NCEH1: variants seen among roughly 807,000 people sequenced by gnomAD.
NCEH1 encodes neutral cholesterol ester hydrolase 1.
In NCEH1, 9 loss-of-function variants were observed where a neutral mutation model predicts 25.4. The ratio of observed to expected loss-of-function variants is 0.35; its 90% CI spans 0.21 to 0.62. The LOEUF is 0.62. Among genes scored for constraint, NCEH1 ranks in the 20% least tolerant of loss-of-function variants. The probability of loss-of-function intolerance (pLI) is 0.72; values close to 1 mark genes in which losing one functional copy is unlikely to be tolerated. For missense variants in NCEH1, 412 were observed against 501.1 expected, an observed-to-expected ratio of 0.82 and a Z score of 1.70; for synonymous variants, 200 against 199.8, an observed-to-expected ratio of 1.00 and a Z score of -0.01.
chr3:172,710,643 G>A (rs1339157729), intron 1 of NCEH1, among the ~76,000 whole-genome samples: 1 of 152,224 alleles, frequency 6.6e-6, no homozygotes, highest in Non-Finnish European at 1.5e-5. Context: ...AAACGCAGAC[G>A]GGGAAATGCA....
chr3:172,703,643 A>G (rs1415611442), intron 1 of NCEH1, among the ~76,000 whole-genome samples: 1 of 152,192 alleles, frequency 6.6e-6, no homozygotes, highest in Non-Finnish European at 1.5e-5. Context: ...CACTTCACAG[A>G]AATGTCTCAG....
intron 1 of NCEH1, among the ~76,000 whole-genome samples, chr3:172,708,137 G>A (rs374731295): frequency 0.026 from 3,066 of 115,978 alleles, 112 homozygotes; most frequent in African/African-American, 0.074. Context: ...CTGACTCACT[G>A]CACAAGATAA....
chr3:172,683,711 GA>G (rs1305983115), intron 1 of NCEH1, among the ~76,000 whole-genome samples: 1 of 152,120 alleles, frequency 6.6e-6, no homozygotes, highest in Non-Finnish European at 1.5e-5. Context: ...GGATCAATCA[GA>G]CTTGGTAAAA....
chr3:172,676,464 G>T (rs1016611167), intron 1 of NCEH1, among the ~76,000 whole-genome samples: 3 of 152,036 alleles, frequency 2.0e-5, no homozygotes, highest in African/African-American at 7.3e-5. Context: ...GGGAAATTTC[G>T]CCAGGTTTTT....
intron 1 of NCEH1, among the ~76,000 whole-genome samples, chr3:172,689,888 T>TA (rs1377471741): frequency 2.9e-4 from 44 of 150,218 alleles, no homozygotes; most frequent in African/African-American, 1.0e-3. Context: ...TATTTTTTAT[T>TA]TTTTATTATT....
intron 3 of NCEH1, among the ~76,000 whole-genome samples, chr3:172,638,519 G>A (rs2108489699): frequency 8.8e-6 from 1 of 113,976 alleles, no homozygotes; most frequent in South Asian, 3.2e-4. Flanking sequence ...CATTTCATAT[G>A]AGTCTATTTA....
intron 1 of NCEH1, among the ~76,000 whole-genome samples, chr3:172,656,634 T>G (rs1717707823): frequency 6.6e-6 from 1 of 152,064 alleles, no homozygotes; most frequent in Admixed American, 6.6e-5. Context: ...GGCGTGGTGA[T>G]GCGCGCCTGT....
intron 3 of NCEH1, among the ~76,000 whole-genome samples, chr3:172,638,728 C>A (rs1037728168): frequency 6.6e-6 from 1 of 152,188 alleles, no homozygotes; most frequent in African/African-American, 2.4e-5. Context: ...TATCCACTAG[C>A]ATCCATATGT....
chr3:172,704,768 G>A (rs1041873966), intron 1 of NCEH1, among the ~76,000 whole-genome samples: 1 of 152,256 alleles, frequency 6.6e-6, no homozygotes, highest in Non-Finnish European at 1.5e-5. Flanking sequence ...ACTTTGGGAA[G>A]CCAAAGCGGG....
At chr3:172,699,125 G>T (rs1412817872) in intron 1 of NCEH1, among the ~76,000 whole-genome samples, 2 of 152,198 alleles carry the variant, frequency 1.3e-5, no homozygotes, top group African/African-American at 4.8e-5. Context: ...TAAGGCCAAG[G>T]AAGGGCAGTG....
Position 172,634,088 on chromosome 3 carries a change from G to A in NCEH1, c.614C>T (p.Thr205Ile). ...NLAAALGQQFTQDASLKNKLK... is the reference protein window; with the variant it reads ...NLAAALGQQFIQDASLKNKLK... ...CTTATTTTTTAGGCTGGCATCTTGA[G>A]TAAACTAGAGAAGAGGAAGCAAATA... Residue 205 changes from threonine (T) to isoleucine (I), a missense_variant, in exon 5 of 5, where the codon ACT (threonine) becomes ATT (isoleucine). Thr to Ile is a moderately conservative substitution (Grantham distance 89). Coordinates refer to ENST00000475381, the MANE Select transcript of NCEH1 (RefSeq NM_020792.6). 1 of 1,612,424 alleles carries A rather than the reference G, an allele frequency of 6.2e-7. No individual in the cohort carries two copies. Among genetic ancestry groups the A allele is most frequent in the Non-Finnish European group, 8.5e-7 (1 of 1,179,334 alleles).
chr3:172,652,276 A>G lies in NCEH1; in HGVS notation c.139-4162T>C, dbSNP rs535737265. ...CAGGGTCTGCATGAATGTCTTGCAGATGGACCTAAGACAATCTGTCTTTTC... is the reference window on the plus strand; with the variant it reads ...CAGGGTCTGCATGAATGTCTTGCAGGTGGACCTAAGACAATCTGTCTTTTC... On this transcript the variant is annotated intron_variant, in intron 1 of 4. Transcript: ENST00000475381. Among the ~76,000 whole-genome samples the G allele has an allele frequency of 5.2e-5, 8 of 152,384 alleles. No individual in the cohort carries two copies. The East Asian group carries it at 1.5e-3, about 29-fold the overall frequency.
chr3:172,631,550 C>G lies in NCEH1; in HGVS notation c.*1925G>C, dbSNP rs1398838616. 1 of 152,588 alleles carries G rather than the reference C, an allele frequency of 6.6e-6. No homozygotes were observed. The highest frequency in any genetic ancestry group is 2.1e-4 in the South Asian group (1 of 4,822). 9.5% of individuals were successfully genotyped at this position (152,588 alleles called of 1,614,324 possible). ...AGACCTCAAGGATCACATAATTCAG[C>G]TCTTTGATTTTAGAGGGAGGAAAGA... On this transcript the variant is annotated 3_prime_UTR_variant, in exon 5 of 5. Coordinates refer to ENST00000475381, the MANE Select transcript of NCEH1 (RefSeq NM_020792.6).
intron 1 of NCEH1, among the ~76,000 whole-genome samples, chr3:172,679,000 C>T (rs904924918): frequency 1.1e-4 from 17 of 152,184 alleles, no homozygotes; most frequent in African/African-American, 3.1e-4. Flanking sequence ...TCATTTATAA[C>T]CTGACGCATC....
intron 1 of NCEH1, among the ~76,000 whole-genome samples, chr3:172,675,431 T>A (rs1384354546): frequency 7.0e-6 from 1 of 143,612 alleles, no homozygotes; most frequent in Non-Finnish European, 1.5e-5. Flanking sequence ...GTATAATTTT[T>A]AAAAAATTTT....
intron 1 of NCEH1, among the ~76,000 whole-genome samples, chr3:172,680,456 G>T (rs1187184842): frequency 6.6e-6 from 1 of 152,098 alleles, no homozygotes; most frequent in Admixed American, 6.5e-5. Flanking sequence ...CATGTCAAGT[G>T]GAAGGTTTGG....
chr3:172,638,275 C>CAAAAAAAAAAAAAAAAAAAA lies in NCEH1; in HGVS notation c.438-2189_438-2188insTTTTTTTTTTTTTTTTTTTT, dbSNP rs1560178436. Among the ~76,000 whole-genome samples the CAAAAAAAAAAAAAAAAAAAA allele has an allele frequency of 4.9e-5, 4 of 81,900 alleles. 2 individuals carry two copies. The highest frequency in any genetic ancestry group is 1.6e-4 in the African/African-American group (4 of 24,382). The allele number at this position is 81,900 out of a possible 152,430, so 53.7% of individuals were successfully genotyped here. A position where few individuals can be genotyped will look rare whatever the true frequency, so the allele number is the denominator to read the frequency against. On this transcript the variant is annotated intron_variant, in intron 3 of 4. Coordinates refer to ENST00000475381, the MANE Select transcript of NCEH1 (RefSeq NM_020792.6). ...CCTGGGCGACAGAACGAGACTCTGT[C>CAAAAAAAAAAAAAAAAAAAA]CAAAAAAAAAAAAAAAAAAAAAAAA... is the stretch of plus-strand genomic sequence containing the variant.
At chr3:172,653,763 T>TTTTTTTTTTTG (rs1717553384) in intron 1 of NCEH1, among the ~76,000 whole-genome samples, 1 of 97,856 alleles carries the variant, frequency 1.0e-5, no homozygotes. Context: ...TTTTTTTGTT[T>TTTTTTTTTTTG]TTTTTTTTTT....
At chr3:172,641,660 A>AGAC (rs1297197212) in intron 3 of NCEH1, among the ~76,000 whole-genome samples, 1 of 152,176 alleles carries the variant, frequency 6.6e-6, no homozygotes, top group East Asian at 1.9e-4. Flanking sequence ...ATCCTCCTAA[A>AGAC]GACTCTTGGA....
Sources: gnomAD v4.1 joint callset for allele counts (sites outside exome capture counted in the v4.1 genomes callset) on GRCh38, gnomAD v4.1.1 for gene constraint, MANE v1.5 for transcripts, NCBI Gene and HGNC (gene_info 2026-07-23, HGNC 2026-07-21) for gene names.